ARPC4: variants seen among roughly 807,000 people sequenced by gnomAD.
The protein encoded by ARPC4 is actin related protein 2/3 complex subunit 4.
In ARPC4, 3 loss-of-function variants were observed where a neutral mutation model predicts 22.8. That is an observed-to-expected ratio of 0.13 (90% confidence interval 0.06 to 0.34). ARPC4 has a LOEUF of 0.34. ARPC4 is among the 10% of genes least tolerant of loss of function. The pLI is 1.00. For missense variants in ARPC4, 98 were observed against 211.0 expected (o/e 0.46, Z 3.32); for synonymous variants, 80 against 72.5 (o/e 1.10, Z -0.52).
intron 4 of ARPC4, among the ~76,000 whole-genome samples, chr3:9,802,469 G>A (rs1187269228): frequency 5.4e-5 from 8 of 148,804 alleles, no homozygotes; most frequent in South Asian, 2.1e-4. Context: ...TCCGCCTCCC[G>A]GGTTCACGCC....
In ARPC4 at chr3:9,797,571, C is replaced by T. The variant is rs146726181; in HGVS notation, c.4-88C>T. On this transcript the variant is annotated intron_variant, in intron 1 of 5. Transcript: ENST00000397261. Reference sequence around the variant, plus strand: ...TAAGAGCCTTGCACCCTCAGTGCTACCTGGCTTCATGGGAGCTGGAATAGG... The same window carrying T: ...TAAGAGCCTTGCACCCTCAGTGCTATCTGGCTTCATGGGAGCTGGAATAGG... The T allele has an allele frequency of 1.7e-3, 2,484 of 1,462,530 alleles. 5 individuals carry two copies. Among genetic ancestry groups the T allele is most frequent in the Non-Finnish European group, 2.1e-3 (2,270 of 1,060,052 alleles). The allele number at this position is 1,462,530 out of a possible 1,614,324, so 90.6% of individuals were successfully genotyped here.
At chr3:9,805,090 T>C (rs1035943466) in intron 5 of ARPC4, among the ~76,000 whole-genome samples, 32 of 152,252 alleles carry the variant, frequency 2.1e-4, no homozygotes, top group African/African-American at 7.7e-4. Context: ...CAAAATTTTA[T>C]GGCCAGGATA....
chr3:9,795,530 C>T (rs1243527810), intron 1 of ARPC4, among the ~76,000 whole-genome samples: 1 of 152,184 alleles, frequency 6.6e-6, no homozygotes, highest in Non-Finnish European at 1.5e-5. Context: ...CATGATCTTA[C>T]CTCAGCCTAC....
chr3:9,793,561 G>A (rs918782358), intron 1 of ARPC4, among the ~76,000 whole-genome samples: 1 of 152,132 alleles, frequency 6.6e-6, no homozygotes, highest in Admixed American at 6.5e-5. Context: ...TAAGGCAGGC[G>A]GCCACACTTC....
At chr3:9,800,551 A>G (rs920854158) in intron 3 of ARPC4, among the ~76,000 whole-genome samples, 19 of 152,020 alleles carry the variant, frequency 1.2e-4, no homozygotes, top group African/African-American at 3.9e-4. Context: ...CAGTCTCCCA[A>G]GTAGCTGGGA....
rs143589475 is a variant in ARPC4, at chr3:9,793,717, C to T, written c.3+593C>T. ...TGTGATACTGCTCATCCCTCCCTTC[C>T]TGGAAGTCCTCCCTTTTTCATACAT... On this transcript the variant is annotated intron_variant, in intron 1 of 5. Coordinates refer to ENST00000397261, the MANE Select transcript of ARPC4 (RefSeq NM_005718.5). Among the ~76,000 whole-genome samples the T allele has an allele frequency of 2.8e-4, 42 of 152,332 alleles. No individual in the cohort carries two copies. The East Asian group carries it at 7.3e-3, about 27-fold the overall frequency.
chr3:9,802,387 T>TC (rs1044908390), intron 4 of ARPC4, among the ~76,000 whole-genome samples: 1 of 151,276 alleles, frequency 6.6e-6, no homozygotes, highest in Non-Finnish European at 1.5e-5. Flanking sequence ...TCTTTTTTTT[T>TC]TTCTTTGAGA....
chr3:9,806,284 C>T lies in ARPC4; in HGVS notation c.*69C>T. ...TGTCTCCACGAAGGCGTCCTGGAGT[C>T]ACTCCCCGAGCAGCGCGGCGGCGGC... On this transcript the variant is annotated 3_prime_UTR_variant, in exon 6 of 6. Transcript: ENST00000397261. 6.4e-7 allele frequency: 1 copy of T among 1,564,256 alleles called. No individual in the cohort carries two copies. The highest frequency in any genetic ancestry group is 2.2e-5 in the East Asian group (1 of 44,630).
chr3:9,792,847 CAAG>C (rs2078775591), upstream of ARPC4: 16 of 1,365,306 alleles, frequency 1.2e-5, no homozygotes, highest in South Asian at 1.7e-5. Flanking sequence ...GCAAAGGTGA[CAAG>C]AAGGCCGAAG....
intron 2 of ARPC4, among the ~76,000 whole-genome samples, chr3:9,798,840 C>T (rs2078950524): frequency 6.6e-6 from 1 of 152,042 alleles, no homozygotes; most frequent in South Asian, 2.1e-4. Context: ...TGCCACCGCA[C>T]TCCAGCCTGG....
intron 4 of ARPC4, 95 bp downstream of exon 4, chr3:9,801,851 C>T: frequency 8.2e-7 from 1 of 1,216,910 alleles, no homozygotes; most frequent in East Asian, 2.7e-5. Flanking sequence ...AGCTGTTTGG[C>T]ACCCACTGCC....
At chr3:9,800,656 C>T (rs372041790) in intron 3 of ARPC4, among the ~76,000 whole-genome samples, 13 of 152,124 alleles carry the variant, frequency 8.5e-5, no homozygotes, top group Middle Eastern at 3.4e-3. Context: ...ATCTCCTGAC[C>T]GCAGGTGATG....
upstream of ARPC4, chr3:9,792,909 C>A (rs1264598427): frequency 7.1e-6 from 10 of 1,398,812 alleles, no homozygotes; most frequent in South Asian, 1.6e-4. Context: ...AATAGTGACT[C>A]GAGTGCAAGA....
At chr3:9,794,686 A>C (rs1263954846) in intron 1 of ARPC4, among the ~76,000 whole-genome samples, 2 of 152,140 alleles carry the variant, frequency 1.3e-5, no homozygotes, top group Admixed American at 1.3e-4. Context: ...GTGTCTTAAA[A>C]AAAAAAAGTC....
rs1386013611 is a variant in ARPC4, at chr3:9,793,114, C to T, written c.-8C>T. 6.5e-7 allele frequency: 1 copy of T among 1,543,664 alleles called. No individual in the cohort carries two copies. The highest frequency in any genetic ancestry group is 8.7e-7 in the Non-Finnish European group (1 of 1,143,974). On this transcript the variant is annotated 5_prime_UTR_variant, in exon 1 of 6. Coordinates refer to ENST00000397261, the MANE Select transcript of ARPC4 (RefSeq NM_005718.5). ...TACTTCCGCTTTCCGGCCCAGCCAGCGCCCGCGATGGTGAGAGAGCCGGGC... is the reference window on the plus strand; with the variant it reads ...TACTTCCGCTTTCCGGCCCAGCCAGTGCCCGCGATGGTGAGAGAGCCGGGC...
chr3:9,801,643 C>G lies in ARPC4; in HGVS notation c.235-18C>G. The stretch of plus-strand genomic sequence containing the variant: ...GGGTGTCAGCTTTAGAGAAACATTT[C>G]TCTCTTGCACTCCCCAGGCTGATGA... On this transcript the variant is annotated intron_variant, in intron 3 of 5. Coordinates refer to ENST00000397261, the MANE Select transcript of ARPC4 (RefSeq NM_005718.5). 1 of 1,589,000 alleles carries G rather than the reference C, an allele frequency of 6.3e-7. No individual in the cohort carries two copies. Among genetic ancestry groups the G allele is most frequent in the Non-Finnish European group, 8.6e-7 (1 of 1,164,092 alleles).
At chr3:9,796,021 G>A (rs746940097) in intron 1 of ARPC4, among the ~76,000 whole-genome samples, 8 of 152,160 alleles carry the variant, frequency 5.3e-5, no homozygotes, top group Non-Finnish European at 1.0e-4. Context: ...ACTTGAACCC[G>A]GGAGGTGGAG....
chr3:9,801,692 A>G lies in ARPC4; in HGVS notation c.266A>G (p.Lys89Arg), dbSNP rs200029713. The change falls in exon 4 of 6, where the codon AAG becomes AGG. Residue 89 changes from lysine (K) to arginine (R), a missense_variant. Transcript: ENST00000397261. Reference protein sequence around the residue: ...ADEIEKILCHKFMRFMMMRAE... With the variant: ...ADEIEKILCHRFMRFMMMRAE... ...GAGATCGAGAAGATTTTGTGCCACAAGTTCATGCGCTTCATGATGATGCGA... is the reference window on the plus strand; with the variant it reads ...GAGATCGAGAAGATTTTGTGCCACAGGTTCATGCGCTTCATGATGATGCGA... 3 of 1,610,042 alleles carry G rather than the reference A, an allele frequency of 1.9e-6. No homozygotes were observed. The highest frequency in any genetic ancestry group is 1.3e-5 in the African/African-American group (1 of 74,990).
intron 3 of ARPC4, among the ~76,000 whole-genome samples, chr3:9,801,212 GA>G (rs745696982): frequency 0.01 from 672 of 66,416 alleles, 3 homozygotes; most frequent in African/African-American, 0.035. Flanking sequence ...TTCCATCTCA[GA>G]AAAAAAAAAA....
Sources: allele counts gnomAD v4.1 joint callset (sites outside exome capture counted in the v4.1 genomes callset), GRCh38; gene constraint gnomAD v4.1.1; transcripts MANE v1.5; gene names NCBI Gene and HGNC (gene_info 2026-07-23, HGNC 2026-07-21).